PTPRG: variants seen among roughly 807,000 people sequenced by gnomAD.
PTPRG encodes the protein protein tyrosine phosphatase receptor type G.
PTPRG carries 102 observed loss-of-function variants against 165.3 expected under a neutral mutation model. The observed-to-expected ratio is 0.62, with a 90% CI of 0.53 to 0.73. The LOEUF (loss-of-function observed/expected upper bound fraction) is 0.73, where lower values mean the gene tolerates loss of function less well. Ranked by LOEUF, PTPRG falls within the 30% of genes least tolerant of loss-of-function variation. The pLI is 0.00. For synonymous variants in PTPRG, 675 were observed against 669.5 expected, an observed-to-expected ratio of 1.01 and a Z score of -0.13; for missense variants, 1,866 against 1,861.4, an observed-to-expected ratio of 1.00 and a Z score of -0.05.
intron 1 of PTPRG, 108 bp from the exon 2 acceptor site, chr3:61,748,770 C>T (rs2033312278): frequency 2.3e-5 from 19 of 832,476 alleles, no homozygotes; most frequent in South Asian, 1.1e-4. Context: ...GTCAGTCATC[C>T]TCAAGGACTA....
intron 1 of PTPRG, among the ~76,000 whole-genome samples, chr3:61,655,647 G>A (rs1702489531): frequency 6.6e-6 from 1 of 152,082 alleles, no homozygotes; most frequent in Admixed American, 6.6e-5. Context: ...ACCCAGCTTG[G>A]AGTGTGGTGG....
chr3:62,051,591 A>G (rs960166779), intron 4 of PTPRG, among the ~76,000 whole-genome samples: 3 of 152,248 alleles, frequency 2.0e-5, no homozygotes, highest in Non-Finnish European at 2.9e-5. Flanking sequence ...CAAATTTCTA[A>G]TCTTGTTCCT....
Position 61,562,135 on chromosome 3 carries a change from A to G in PTPRG, c.-153A>G. ...CGGGGGGCGCTCGGCGGCTTCCCGGATTCCAAGGGGACTCGGGCCGCCGAG... is the reference window on the plus strand; with the variant it reads ...CGGGGGGCGCTCGGCGGCTTCCCGGGTTCCAAGGGGACTCGGGCCGCCGAG... On this transcript the variant is annotated 5_prime_UTR_variant, in exon 1 of 30. Coordinates refer to ENST00000474889, the MANE Select transcript of PTPRG (RefSeq NM_002841.4). 4.3e-6 allele frequency: 2 copies of G among 466,516 alleles called. No homozygotes were observed. Among genetic ancestry groups the G allele is most frequent in the South Asian group, 2.0e-5 (1 of 48,816 alleles). 28.9% of individuals were successfully genotyped at this position (466,516 alleles called of 1,614,324 possible).
chr3:61,629,372 C>CT, intron 1 of PTPRG, among the ~76,000 whole-genome samples: 1 of 152,166 alleles, frequency 6.6e-6, no homozygotes, highest in African/African-American at 2.4e-5. Flanking sequence ...CCAGGCTGGT[C>CT]TTGAAACTCC....
chr3:61,790,137 G>A (rs1349604425), intron 2 of PTPRG, among the ~76,000 whole-genome samples: 1 of 152,126 alleles, frequency 6.6e-6, no homozygotes, highest in Non-Finnish European at 1.5e-5. Flanking sequence ...GTCTGTCATG[G>A]GCAGTGGAGT....
In PTPRG at chr3:61,896,585, G is replaced by T. The variant is rs964358263; in HGVS notation, c.191-93040G>T. Among the ~76,000 whole-genome samples the T allele has an allele frequency of 2.0e-5, 3 of 152,260 alleles. No homozygotes were observed. The East Asian group carries it at 5.8e-4, about 29-fold the overall frequency. On this transcript the variant is annotated intron_variant, in intron 2 of 29. Coordinates refer to ENST00000474889, the MANE Select transcript of PTPRG (RefSeq NM_002841.4). ...ATTAATAACCAAGAGTCCAATTGCTGGGTTGTGTGGTAGTTACGTATGCAG... is the reference window on the plus strand; with the variant it reads ...ATTAATAACCAAGAGTCCAATTGCTTGGTTGTGTGGTAGTTACGTATGCAG...
chr3:61,891,876 T>G (rs746676340), intron 2 of PTPRG, among the ~76,000 whole-genome samples: 3 of 152,128 alleles, frequency 2.0e-5, no homozygotes, highest in Non-Finnish European at 4.4e-5. Context: ...ATGAGAAAAA[T>G]GTTTGTGTGA....
At chr3:61,701,416 G>C (rs1356653190) in intron 1 of PTPRG, among the ~76,000 whole-genome samples, 2 of 152,056 alleles carry the variant, frequency 1.3e-5, no homozygotes, top group Non-Finnish European at 2.9e-5. Context: ...GGAGGCTCGG[G>C]TCACATTTTC....
At chr3:62,220,412 C>T (rs1011335845) in intron 13 of PTPRG, among the ~76,000 whole-genome samples, 1 of 152,092 alleles carries the variant, frequency 6.6e-6, no homozygotes, top group East Asian at 1.9e-4. Context: ...AAGAAGGACA[C>T]GATTGTGTCT....
Position 61,875,218 on chromosome 3 carries a change from T to C in PTPRG, c.191-114407T>C, listed in dbSNP as rs1479369965. The stretch of plus-strand genomic sequence containing the variant: ...CTGTTTAGAATATCAAGAGTGTTAA[T>C]AGAGGCTTCAGCCTTCTTTTAGGCC... On this transcript the variant is annotated intron_variant, in intron 2 of 29. Transcript: ENST00000474889. Among the ~76,000 whole-genome samples, 3 of 152,140 alleles carry C rather than the reference T, an allele frequency of 2.0e-5. 1 individual carries two copies. Among genetic ancestry groups the C allele is most frequent in the South Asian group, 4.2e-4 (2 of 4,816 alleles).
At chr3:62,153,362 T>C (rs1047389869) in intron 6 of PTPRG, among the ~76,000 whole-genome samples, 1 of 152,222 alleles carries the variant, frequency 6.6e-6, no homozygotes, top group Non-Finnish European at 1.5e-5. Flanking sequence ...ATATTCTCAT[T>C]ATTCTCATTT....
intron 1 of PTPRG, among the ~76,000 whole-genome samples, chr3:61,629,065 A>C (rs554201140): frequency 1.3e-5 from 2 of 152,064 alleles, no homozygotes; most frequent in South Asian, 2.1e-4. Flanking sequence ...GTTTAGGGAG[A>C]AGTAGGAGGG....
At chr3:61,626,221 A>C (rs1324735147) in intron 1 of PTPRG, among the ~76,000 whole-genome samples, 1 of 152,178 alleles carries the variant, frequency 6.6e-6, no homozygotes, top group Admixed American at 6.5e-5. Flanking sequence ...CTTTTTTAAA[A>C]ACTAAAAATG....
chr3:61,611,118 A>G (rs556861925), intron 1 of PTPRG, among the ~76,000 whole-genome samples: 32 of 152,270 alleles, frequency 2.1e-4, no homozygotes, highest in African/African-American at 7.0e-4. Context: ...TTCTTTTTCT[A>G]AACGGCAAAA....
At chr3:62,014,559 C>T (rs1331646822) in intron 4 of PTPRG, among the ~76,000 whole-genome samples, 1 of 152,176 alleles carries the variant, frequency 6.6e-6, no homozygotes, top group Non-Finnish European at 1.5e-5. Context: ...AACCTTCACT[C>T]TGTTCATTTC....
chr3:61,994,044 G>A (rs1485454097), intron 3 of PTPRG, among the ~76,000 whole-genome samples: 1 of 152,206 alleles, frequency 6.6e-6, no homozygotes, highest in Non-Finnish European at 1.5e-5. Context: ...TCACAAGACA[G>A]ATAGCATCTC....
chr3:62,279,854 TC>T (rs1357128765), intron 26 of PTPRG, among the ~76,000 whole-genome samples: 1 of 152,096 alleles, frequency 6.6e-6, no homozygotes, highest in Non-Finnish European at 1.5e-5. Flanking sequence ...ATTTCTGACT[TC>T]AATGATAGTA....
Position 62,203,903 on chromosome 3 carries a change from G to A in PTPRG, c.2108G>A (p.Arg703His), listed in dbSNP as rs147345951. 2.5e-4 allele frequency: 402 copies of A among 1,602,522 alleles called. No homozygotes were observed. Among genetic ancestry groups the A allele is most frequent in the Middle Eastern group, 3.3e-4 (2 of 6,018 alleles). The change falls in exon 12 of 30, where the codon CGC becomes CAC. Residue 703 changes from arginine to histidine, a missense_variant. This residue lies in a region of PTPRG where 1,452 missense variants were observed against 1,463.0 expected (regional missense o/e 0.99). Coordinates refer to ENST00000474889, the MANE Select transcript of PTPRG (RefSeq NM_002841.4). The surrounding 1 kb of genome is among the most constrained non-coding windows in gnomAD (Gnocchi z 6.4). ...PEMPSKKPMS[R>H]GDRFSEDSRF... Reference sequence around the variant, plus strand: ...ATGCCATCTAAAAAGCCTATGTCCCGCGGGGACCGATTTTCTGAAGACAGC... The same window carrying A: ...ATGCCATCTAAAAAGCCTATGTCCCACGGGGACCGATTTTCTGAAGACAGC...
chr3:62,094,469 G>A (rs867256865), intron 5 of PTPRG, among the ~76,000 whole-genome samples: 2 of 152,176 alleles, frequency 1.3e-5, no homozygotes, highest in South Asian at 2.1e-4. Flanking sequence ...TGCTATGGTC[G>A]TGAGAGCTTC....
Sources: allele counts gnomAD v4.1 joint callset (sites outside exome capture counted in the v4.1 genomes callset), GRCh38; gene constraint gnomAD v4.1.1; regional missense constraint gnomAD v4.1.1; non-coding constraint Gnocchi (gnomAD v3.1); transcripts MANE v1.5; gene names NCBI Gene and HGNC (gene_info 2026-07-23, HGNC 2026-07-21).